The following TRPV1 variants were observed in gnomAD, a reference collection of about 807,000 sequenced individuals.
TRPV1 encodes the protein transient receptor potential cation channel subfamily V member 1, also known as OTRPC1.
TRPV1 carries 82 observed loss-of-function variants against 82.3 expected under a neutral mutation model. The observed-to-expected ratio is 1.00, with a 90% CI of 0.83 to 1.20. TRPV1 has a LOEUF of 1.20. Ranked by LOEUF, TRPV1 falls within the 50% of genes most tolerant of loss-of-function variation. The pLI is 0.00. For synonymous variants in TRPV1, 515 were observed against 467.7 expected, an observed-to-expected ratio of 1.10 and a Z score of -1.30; for missense variants, 1,067 against 1,096.8, an observed-to-expected ratio of 0.97 and a Z score of 0.38.
chr17:3,577,778 G>A lies in TRPV1; in HGVS notation c.1548-15C>T, dbSNP rs769222122. 1.3e-6 allele frequency: 2 copies of A among 1,582,942 alleles called. No individual in the cohort carries two copies. The highest frequency in any genetic ancestry group is 3.6e-5 in the Admixed American group (2 of 55,170). ...ACTGCAGAAAGCTGCGGGTGGAGGG[G>A]CAGAAAGCTCCGTCTACGGGAACCC... is the stretch of plus-strand genomic sequence containing the variant. On this transcript the variant is annotated splice_polypyrimidine_tract_variant and intron_variant, in intron 11 of 16. Transcript: ENST00000572705.
At chr17:3,604,586 A>G (rs113729973) in intron 2 of TRPV1, among the ~76,000 whole-genome samples, 4,967 of 148,918 alleles carry the variant, frequency 0.033, 94 homozygotes, top group Middle Eastern at 0.083. Flanking sequence ...CAACAGAGGA[A>G]GACTCTCAAA....
chr17:3,602,678 C>T (rs756101101), intron 2 of TRPV1, among the ~76,000 whole-genome samples: 3 of 152,166 alleles, frequency 2.0e-5, no homozygotes, highest in Non-Finnish European at 2.9e-5. Context: ...ATGCTAAACA[C>T]CGCCACCGTC....
chr17:3,606,901 G>A (rs935912915), intron 2 of TRPV1, among the ~76,000 whole-genome samples: 1 of 152,116 alleles, frequency 6.6e-6, no homozygotes, highest in African/African-American at 2.4e-5. Flanking sequence ...CTGCATGCTG[G>A]GCAGGCGAGA....
chr17:3,584,402 C>CAAGA (rs2075057678), intron 9 of TRPV1, among the ~76,000 whole-genome samples: 1 of 16,746 alleles, frequency 6.0e-5, no homozygotes, highest in African/African-American at 2.3e-4. Flanking sequence ...GACTCTGTCT[C>CAAGA]AAAAAAAAAA....
chr17:3,588,012 C>T (rs1197945325), intron 8 of TRPV1, among the ~76,000 whole-genome samples, 176 bp downstream of exon 8: 1 of 152,200 alleles, frequency 6.6e-6, no homozygotes, highest in Non-Finnish European at 1.5e-5. Context: ...CGTATGGTTG[C>T]TATGCTTAGG....
intron 10 of TRPV1, among the ~76,000 whole-genome samples, chr17:3,582,038 AAAT>A (rs2075025055): frequency 6.8e-6 from 1 of 146,300 alleles, no homozygotes; most frequent in South Asian, 2.2e-4. Context: ...AAAATACAAA[AAAT>A]TAGCCGGGCG....
intron 2 of TRPV1, among the ~76,000 whole-genome samples, chr17:3,603,262 C>G (rs1250899781): frequency 2.0e-5 from 3 of 152,184 alleles, no homozygotes; most frequent in Non-Finnish European, 4.4e-5. Flanking sequence ...CGGTCAGCAC[C>G]CTCCAGAAGT....
In TRPV1 at chr17:3,591,463, G is replaced by GA. The variant is rs985176708; in HGVS notation, c.285-111dup. ...AAATCCCAAGGCAAACCAAAAAGGG[G>GA]AAAAATGATATAAAAGCTGCCCCTC... On this transcript the variant is annotated intron_variant, in intron 3 of 16. Transcript: ENST00000572705. 1.4e-4 allele frequency: 189 copies of GA among 1,308,846 alleles called. No individual in the cohort carries two copies. In the African/African-American group the frequency reaches 2.6e-3, roughly 18 times the overall value. 81.1% of individuals were successfully genotyped at this position (1,308,846 alleles called of 1,614,324 possible). A position where few individuals can be genotyped will look rare whatever the true frequency, so the allele number is the denominator to read the frequency against.
At chr17:3,575,036 G>A (rs1192275038) in intron 13 of TRPV1, among the ~76,000 whole-genome samples, 1 of 151,910 alleles carries the variant, frequency 6.6e-6, no homozygotes, top group Non-Finnish European at 1.5e-5. Context: ...AGGATAGTAA[G>A]GATTATAACC....
intron 2 of TRPV1, among the ~76,000 whole-genome samples, chr17:3,599,780 C>T (rs1294772488): frequency 6.6e-6 from 1 of 152,028 alleles, no homozygotes; most frequent in Non-Finnish European, 1.5e-5. Flanking sequence ...GGGTGCATGC[C>T]ACCACACCCA....
At chr17:3,588,538 G>A (rs1321457143) in intron 7 of TRPV1, among the ~76,000 whole-genome samples, 171 bp from the exon 8 acceptor site, 1 of 152,132 alleles carries the variant, frequency 6.6e-6, no homozygotes, top group African/African-American at 2.4e-5. Context: ...CCGGGCACGG[G>A]TGGCTCATGC....
chr17:3,593,313 C>T (rs1048094048), intron 2 of TRPV1, among the ~76,000 whole-genome samples: 128 of 152,044 alleles, frequency 8.4e-4, no homozygotes, highest in African/African-American at 3.0e-3. Flanking sequence ...AGACAGGGAA[C>T]GTTTAGGCTT....
intron 10 of TRPV1, among the ~76,000 whole-genome samples, chr17:3,582,006 C>T (rs12947520): frequency 0.39 from 52,710 of 136,582 alleles, 10,869 homozygotes; most frequent in East Asian, 0.76. Context: ...CTGGCTAACA[C>T]GGTGAAACCC....
chr17:3,593,084 G>T (rs57260375), intron 2 of TRPV1, among the ~76,000 whole-genome samples: 23,562 of 36,200 alleles, frequency 0.65, 5,999 homozygotes, highest in African/African-American at 0.68. Flanking sequence ...GTTTAGGCGT[G>T]TGTGTGTGTG....
At chr17:3,603,480 G>T (rs559172613) in intron 2 of TRPV1, among the ~76,000 whole-genome samples, 1 of 152,326 alleles carries the variant, frequency 6.6e-6, no homozygotes, top group South Asian at 2.1e-4. Flanking sequence ...GACTCCGGCT[G>T]GTAGCTGAAC....
intron 9 of TRPV1, 41 bp from the exon 10 acceptor site, chr17:3,583,471 C>T (rs753147138): frequency 1.5e-5 from 22 of 1,477,966 alleles, no homozygotes; most frequent in Middle Eastern, 1.7e-4. Flanking sequence ...TTTACTCATT[C>T]GTTCATTCAA....
intron 11 of TRPV1, among the ~76,000 whole-genome samples, chr17:3,579,304 G>C (rs1236351138): frequency 1.3e-5 from 2 of 152,128 alleles, no homozygotes; most frequent in South Asian, 2.1e-4. Flanking sequence ...GGACAAGCTA[G>C]CTGCAAGAGG....
intron 16 of TRPV1, among the ~76,000 whole-genome samples, 182 bp from the exon 17 acceptor site, chr17:3,567,169 A>T (rs2074775712): frequency 6.7e-6 from 1 of 150,344 alleles, no homozygotes; most frequent in Non-Finnish European, 1.5e-5. Context: ...ACCAGCCCGG[A>T]CAACATGGTG....
intron 11 of TRPV1, among the ~76,000 whole-genome samples, chr17:3,580,207 GGAA>G (rs2074988401): frequency 6.6e-6 from 1 of 152,184 alleles, no homozygotes; most frequent in Admixed American, 6.5e-5. Flanking sequence ...ACAATGAGTG[GGAA>G]GGTGAACAAG....
Sources: allele counts gnomAD v4.1 joint callset (sites outside exome capture counted in the v4.1 genomes callset), GRCh38; gene constraint gnomAD v4.1.1; transcripts MANE v1.5; gene names NCBI Gene and HGNC (gene_info 2026-07-23, HGNC 2026-07-21).